DHRSX: variants seen among roughly 807,000 people sequenced by gnomAD.
The protein encoded by DHRSX is polyprenol dehydrogenase.
A neutral mutation model predicts 34.0 loss-of-function variants in DHRSX; 31 were observed. The observed-to-expected ratio is 0.91, with a 90% CI of 0.69 to 1.23. DHRSX has a LOEUF of 1.23. Among genes scored for constraint, DHRSX ranks in the 50% most tolerant of loss-of-function variants. DHRSX has a pLI of 0.00. For synonymous variants in DHRSX, 201 were observed against 183.8 expected (o/e 1.09, Z -0.76); for missense variants, 414 against 428.1 (o/e 0.97, Z 0.29).
At chrX:2,464,518 G>T (rs1439045860) in intron 1 of DHRSX, among the ~76,000 whole-genome samples, 3 of 139,962 alleles carry the variant, frequency 2.1e-5, no homozygotes, top group Non-Finnish European at 3.1e-5. Flanking sequence ...TGTGCACACT[G>T]AAGATGTTCC....
chrX:2,319,685 A>C, intron 3 of DHRSX, among the ~76,000 whole-genome samples: 1 of 152,148 alleles, frequency 6.6e-6, no homozygotes, highest in Middle Eastern at 3.4e-3. Flanking sequence ...ACTATGTACT[A>C]ATCGACTCTA....
intron 1 of DHRSX, chrX:2,488,284 C>T (rs1466508443): frequency 4.0e-6 from 1 of 248,368 alleles, no homozygotes; most frequent in Non-Finnish European, 7.6e-6. Flanking sequence ...TCAAGCGATT[C>T]TCTGGCCTCA....
intron 3 of DHRSX, among the ~76,000 whole-genome samples, chrX:2,356,627 T>C (rs933473946): frequency 2.0e-5 from 3 of 152,132 alleles, no homozygotes; most frequent in African/African-American, 7.2e-5. Context: ...TATATGTGGA[T>C]TTTCTTCTGC....
chrX:2,282,665 G>GGAGAAAAGGAGT (rs2041728552), intron 4 of DHRSX, among the ~76,000 whole-genome samples: 1 of 139,166 alleles, frequency 7.2e-6, no homozygotes, highest in African/African-American at 2.7e-5. Flanking sequence ...AGAGAGAATG[G>GGAGAAAAGGAGT]GAGAAAAGGA....
intron 1 of DHRSX, among the ~76,000 whole-genome samples, chrX:2,437,289 A>G (rs62584562): frequency 0.81 from 122,952 of 151,996 alleles, 50,034 homozygotes; most frequent in East Asian, 1. Flanking sequence ...GTGAGCCACC[A>G]TGCCCGGACA....
chrX:2,237,010 G>A (rs1400671210), intron 6 of DHRSX, among the ~76,000 whole-genome samples: 4 of 151,744 alleles, frequency 2.6e-5, no homozygotes, highest in Non-Finnish European at 4.4e-5. Flanking sequence ...GTAACATATC[G>A]AAACCCCGTC....
At chrX:2,286,504 A>G (rs962117879) in intron 4 of DHRSX, among the ~76,000 whole-genome samples, 3 of 152,136 alleles carry the variant, frequency 2.0e-5, no homozygotes, top group African/African-American at 7.2e-5. Flanking sequence ...CCCCTTTCCA[A>G]GCCCATGGGC....
intron 1 of DHRSX, among the ~76,000 whole-genome samples, chrX:2,469,057 A>ACACACTGAAGGCATTC (rs1442310826): frequency 1.1e-4 from 17 of 151,366 alleles, no homozygotes; most frequent in Non-Finnish European, 1.8e-4. Context: ...TCCGCCATGT[A>ACACACTGAAGGCATTC]CACACTGAAG....
At chrX:2,246,651 A>T (rs772388647) in intron 5 of DHRSX, among the ~76,000 whole-genome samples, 1 of 144,360 alleles carries the variant, frequency 6.9e-6, no homozygotes, top group African/African-American at 2.5e-5. Flanking sequence ...ACAGAAAGAG[A>T]GAAAGAAAGA....
intron 3 of DHRSX, among the ~76,000 whole-genome samples, chrX:2,324,845 T>G (rs926074640): frequency 2.0e-5 from 3 of 150,864 alleles, no homozygotes; most frequent in African/African-American, 7.3e-5. Flanking sequence ...GTTCGCTCAT[T>G]GCAACCTCCG....
In DHRSX at chrX:2,449,530, G is replaced by A. The variant is rs761501363; in HGVS notation, c.110-24226C>T. ...GGTTGAGACAGGGTCACACCCAGGCGATTGCCCAACCTGGAGTGCAGTGGC... is the reference window on the plus strand; with the variant it reads ...GGTTGAGACAGGGTCACACCCAGGCAATTGCCCAACCTGGAGTGCAGTGGC... On this transcript the variant is annotated intron_variant, in intron 1 of 6. Transcript: ENST00000334651. Among the ~76,000 whole-genome samples, 294 of 152,190 alleles carry A rather than the reference G, an allele frequency of 1.9e-3. 2 individuals are homozygous for A. The highest frequency in any genetic ancestry group is 2.9e-3 in the Non-Finnish European group (198 of 67,992).
At chrX:2,394,748 C>T (rs1210575988) in intron 3 of DHRSX, among the ~76,000 whole-genome samples, 1 of 152,088 alleles carries the variant, frequency 6.6e-6, no homozygotes, top group Non-Finnish European at 1.5e-5. Flanking sequence ...TGCCTGTAGT[C>T]CCAGCTACTC....
At chrX:2,351,667 T>C (rs775097772) in intron 3 of DHRSX, among the ~76,000 whole-genome samples, 34 of 152,286 alleles carry the variant, frequency 2.2e-4, no homozygotes, top group African/African-American at 7.5e-4. Flanking sequence ...TGATGATGCA[T>C]TGGGAGTTGG....
chrX:2,474,528 T>C (rs2044644330), intron 1 of DHRSX, among the ~76,000 whole-genome samples: 3 of 151,418 alleles, frequency 2.0e-5, no homozygotes. Flanking sequence ...GTGTACACAC[T>C]GAAGCCATTC....
chrX:2,245,571 AAG>A (rs1319737135), intron 5 of DHRSX, among the ~76,000 whole-genome samples: 2 of 150,194 alleles, frequency 1.3e-5, no homozygotes, highest in African/African-American at 4.9e-5. Flanking sequence ...CGGCCTCCCA[AAG>A]TGCTGGGATT....
At chrX:2,235,955 T>C (rs1195869885) in intron 6 of DHRSX, among the ~76,000 whole-genome samples, 4 of 148,980 alleles carry the variant, frequency 2.7e-5, no homozygotes, top group African/African-American at 7.4e-5. Context: ...CTATTAAAAA[T>C]ATAAAAATTA....
At chrX:2,317,267 T>TTTTTTTTTTTC (rs1316690497) in intron 3 of DHRSX, among the ~76,000 whole-genome samples, 1 of 141,046 alleles carries the variant, frequency 7.1e-6, no homozygotes, top group Non-Finnish European at 1.5e-5. Context: ...TTTTTTTTTT[T>TTTTTTTTTTTC]TTGAGACAGA....
intron 2 of DHRSX, among the ~76,000 whole-genome samples, chrX:2,418,952 T>C (rs2043734352): frequency 1.3e-5 from 2 of 152,106 alleles, no homozygotes; most frequent in South Asian, 4.1e-4. Flanking sequence ...GTCTCTAATT[T>C]ACTCAGGTCC....
intron 3 of DHRSX, among the ~76,000 whole-genome samples, chrX:2,396,679 TCCTG>T (rs1202313336): frequency 2.6e-5 from 4 of 151,792 alleles, no homozygotes; most frequent in African/African-American, 4.8e-5. Flanking sequence ...GGGGCATCCT[TCCTG>T]CCTCTTCCAG....
Sources: allele counts gnomAD v4.1 joint callset (sites outside exome capture counted in the v4.1 genomes callset), GRCh38; gene constraint gnomAD v4.1.1; transcripts MANE v1.5; gene names NCBI Gene and HGNC (gene_info 2026-07-23, HGNC 2026-07-21).